Variants in FAT4 observed in about 807,000 individuals in gnomAD.
FAT4 encodes FAT atypical cadherin 4, also known as protocadherin Fat 4.
FAT4 carries 84 observed loss-of-function variants against 303.9 expected under a neutral mutation model. The observed-to-expected ratio is 0.28, with a 90% CI of 0.23 to 0.33. The LOEUF is 0.33. Ranked by LOEUF, FAT4 falls within the 10% of genes least tolerant of loss-of-function variation. FAT4 has a pLI of 1.00. For missense variants in FAT4, 6,005 were observed against 6,146.8 expected (o/e 0.98, Z 0.77); for synonymous variants, 2,307 against 2,298.8 (o/e 1.00, Z -0.10).
In FAT4 at chr4:125,450,440, T is replaced by A; in HGVS notation, c.9430T>A (p.Ser3144Thr). The change falls in exon 10 of 18, where the codon TCT becomes ACT. Residue 3144 changes from serine to threonine, a missense_variant. Transcript: ENST00000394329. Reference protein sequence around the residue: ...NEEGIFAINSSTGILTLAKAL... With the variant: ...NEEGIFAINSTTGILTLAKAL... The stretch of plus-strand genomic sequence containing the variant: ...AGAAGGCATTTTTGCAATCAATTCT[T>A]CTACAGGTATATTAACACTAGCCAA... 1 of 1,614,082 alleles carries A rather than the reference T, an allele frequency of 6.2e-7. No individual in the cohort carries two copies. The highest frequency in any genetic ancestry group is 8.5e-7 in the Non-Finnish European group (1 of 1,179,988).
chr4:125,333,908 G>A (rs147108078), intron 2 of FAT4, among the ~76,000 whole-genome samples: 1,900 of 152,150 alleles, frequency 0.012, 22 homozygotes, highest in Middle Eastern at 0.02. Context: ...ATATCCTAAG[G>A]CTAGGAAGGT....
chr4:125,317,001 G>T lies in FAT4; in HGVS notation c.590G>T (p.Gly197Val). The T allele has an allele frequency of 6.2e-7, 1 of 1,614,062 alleles. No individual in the cohort carries two copies. The highest frequency in any genetic ancestry group is 2.2e-5 in the East Asian group (1 of 44,868). ...LDITLNPSGEGAFLHLVSKGG... is the reference protein window; with the variant it reads ...LDITLNPSGEVAFLHLVSKGG... ...ATCACCCTGAACCCGAGCGGCGAGG[G>T]AGCGTTCCTGCATCTGGTGTCCAAG... The change falls in exon 2 of 18, where the codon GGA becomes GTA. Residue 197 changes from glycine (G) to valine (V), a missense_variant. By Grantham distance (109) the Gly-to-Val change is moderately radical. Coordinates refer to ENST00000394329, the MANE Select transcript of FAT4 (RefSeq NM_001291303.3). The surrounding 1 kb of genome is among the most constrained non-coding windows in gnomAD (Gnocchi z 7.0).
intron 2 of FAT4, among the ~76,000 whole-genome samples, chr4:125,374,944 G>GTTAGTA (rs1413130649): frequency 6.6e-6 from 1 of 152,146 alleles, no homozygotes; most frequent in Admixed American, 6.6e-5. Flanking sequence ...ATGTAGGCTT[G>GTTAGTA]TTAGCATCAA....
At chr4:125,407,660 G>C (rs572631389) in intron 4 of FAT4, among the ~76,000 whole-genome samples, 29 of 152,164 alleles carry the variant, frequency 1.9e-4, no homozygotes, top group Admixed American at 3.9e-4. Flanking sequence ...CTAACACAGG[G>C]CTTGGGTATT....
intron 5 of FAT4, among the ~76,000 whole-genome samples, chr4:125,414,625 T>A (rs2126026521): frequency 6.6e-6 from 1 of 152,304 alleles, no homozygotes; most frequent in African/African-American, 2.4e-5. Flanking sequence ...CATCAGGAAT[T>A]ATGTGATAGA....
intron 16 of FAT4, 30 bp from the exon 17 acceptor site, chr4:125,487,311 TTTAA>T: frequency 6.3e-7 from 1 of 1,577,800 alleles, no homozygotes; most frequent in Non-Finnish European, 8.6e-7. Flanking sequence ...CATACCATAT[TTTAA>T]TTGCATACTA....
chr4:125,440,748 G>A (rs548395469), intron 8 of FAT4, among the ~76,000 whole-genome samples: 4 of 151,648 alleles, frequency 2.6e-5, no homozygotes, highest in African/African-American at 9.7e-5. Context: ...TTTATAACTC[G>A]CTGATAGACA....
rs374813760 is a variant in FAT4, at chr4:125,321,091, T to A, written c.4680T>A (p.Asn1560Lys). 2 of 1,614,034 alleles carry A rather than the reference T, an allele frequency of 1.2e-6. No individual in the cohort carries two copies. Among genetic ancestry groups the A allele is most frequent in the Non-Finnish European group, 1.7e-6 (2 of 1,180,008 alleles). Residue 1560 changes from asparagine (N) to lysine (K), a missense_variant, in exon 2 of 18, where the codon AAT becomes AAA. Transcript: ENST00000394329. ...IMAADPDEGANGEIEYEIING... is the reference protein window; with the variant it reads ...IMAADPDEGAKGEIEYEIING... Reference sequence around the variant, plus strand: ...CTGCTGACCCAGATGAAGGTGCTAATGGAGAAATAGAGTATGAGATCATCA... The same window carrying A: ...CTGCTGACCCAGATGAAGGTGCTAAAGGAGAAATAGAGTATGAGATCATCA...
chr4:125,356,333 G>C (rs917057354), intron 2 of FAT4, among the ~76,000 whole-genome samples: 1 of 151,920 alleles, frequency 6.6e-6, no homozygotes, highest in East Asian at 1.9e-4. Flanking sequence ...TAAATGTAGA[G>C]AAATGCTCTT....
intron 2 of FAT4, among the ~76,000 whole-genome samples, chr4:125,343,396 C>T (rs947791753): frequency 3.3e-5 from 5 of 152,094 alleles, no homozygotes; most frequent in Non-Finnish European, 7.4e-5. Context: ...GGGCTCCTCC[C>T]ACTTCACCTC....
At chr4:125,359,743 G>A (rs1732579703) in intron 2 of FAT4, among the ~76,000 whole-genome samples, 1 of 152,152 alleles carries the variant, frequency 6.6e-6, no homozygotes, top group African/African-American at 2.4e-5. Context: ...AATTCATAGT[G>A]AAAGGTAACT....
intron 2 of FAT4, among the ~76,000 whole-genome samples, chr4:125,330,136 G>C (rs1333383234): frequency 5.3e-5 from 8 of 152,066 alleles, no homozygotes; most frequent in Admixed American, 5.2e-4. Context: ...ATTAGCCTTC[G>C]GGCTTTTGCC....
rs1447907208 is a variant in FAT4 at position 125,315,032 on chromosome 4, C to A, written c.-958C>A. Among the ~76,000 whole-genome samples the A allele has an allele frequency of 6.6e-6, 1 of 152,104 alleles. No homozygotes were observed. Among genetic ancestry groups the A allele is most frequent in the East Asian group, 1.9e-4 (1 of 5,176 alleles). On this transcript the variant is annotated 5_prime_UTR_variant, in exon 1 of 18. The change creates a new upstream start codon in the 5' untranslated region. Coordinates refer to ENST00000394329, the MANE Select transcript of FAT4 (RefSeq NM_001291303.3). ...CCAGCTCGCGGTCTTCCCTCCCCCT[C>A]TGTTTGTGTTTCGGCGACGCGCTGT... is the stretch of plus-strand genomic sequence containing the variant.
rs1239631782 is a variant in FAT4, at chr4:125,449,229, A to G, written c.8219A>G (p.His2740Arg). 3.1e-6 allele frequency: 5 copies of G among 1,613,902 alleles called. No individual in the cohort carries two copies. The highest frequency in any genetic ancestry group is 4.5e-5 in the East Asian group (2 of 44,852). The change falls in exon 10 of 18, where the codon CAT (histidine) becomes CGT (arginine). Residue 2740 changes from histidine to arginine, a missense_variant. Physicochemically the swap from His to Arg is conservative, Grantham distance 29. Coordinates refer to ENST00000394329, the MANE Select transcript of FAT4 (RefSeq NM_001291303.3). The part of the protein sequence containing the change: ...VRPLDREKVS[H>R]YVLTIKSSDK... ...CCTTTGGACAGGGAAAAAGTATCTC[A>G]TTATGTCCTAACCATAAAATCATCA...
At chr4:125,351,276 G>C (rs1732215569) in intron 2 of FAT4, among the ~76,000 whole-genome samples, 1 of 151,616 alleles carries the variant, frequency 6.6e-6, no homozygotes, top group Non-Finnish European at 1.5e-5. Flanking sequence ...TAAAACAATA[G>C]AACAATTACT....
chr4:125,413,200 C>T (rs891903657), intron 5 of FAT4, among the ~76,000 whole-genome samples: 1 of 151,766 alleles, frequency 6.6e-6, no homozygotes, highest in Non-Finnish European at 1.5e-5. Context: ...TTTTTATCCT[C>T]TAAAGCCTGT....
intron 2 of FAT4, among the ~76,000 whole-genome samples, chr4:125,357,457 T>C (rs1360060330): frequency 1.3e-5 from 2 of 152,144 alleles, no homozygotes; most frequent in Non-Finnish European, 2.9e-5. Flanking sequence ...TCGGGTACTT[T>C]AATAGTAACA....
rs118185100 is a variant in FAT4 at position 125,458,222 on chromosome 4, A to G, written c.11801-5341A>G. Among the ~76,000 whole-genome samples the G allele has an allele frequency of 2.6e-3, 395 of 152,096 alleles. 6 individuals are homozygous for G. In the East Asian group the frequency reaches 0.029, roughly 11 times the overall value. ...CCTATGTTCTCAATTAAGTCCCGAT[A>G]TTTCAGGAAAGATGAGGTTTGTTCA... is the stretch of plus-strand genomic sequence containing the variant. On this transcript the variant is annotated intron_variant, in intron 10 of 17. Transcript: ENST00000394329.
chr4:125,315,121 G>T lies in FAT4; in HGVS notation c.-869G>T, dbSNP rs1191032794. Among the ~76,000 whole-genome samples the T allele has an allele frequency of 2.0e-5, 3 of 151,988 alleles. No homozygotes were observed. Among genetic ancestry groups the T allele is most frequent in the Admixed American group, 6.5e-5 (1 of 15,272 alleles). ...GCCTGTGCGGCGGGGAAGGGGCGGG[G>T]AGAGTGTGAGGGACCAGGCGGGAGG... is the stretch of plus-strand genomic sequence containing the variant. On this transcript the variant is annotated 5_prime_UTR_variant, in exon 1 of 18. The change creates a premature stop within an existing upstream ORF in the 5' untranslated region. Transcript: ENST00000394329.
Sources: gnomAD v4.1 joint callset for allele counts (sites outside exome capture counted in the v4.1 genomes callset) on GRCh38, gnomAD v4.1.1 for gene constraint, Gnocchi (gnomAD v3.1) non-coding constraint, MANE v1.5 for transcripts, NCBI Gene and HGNC (gene_info 2026-07-23, HGNC 2026-07-21) for gene names.